The following KANK4 variants were observed in gnomAD, a reference collection of about 807,000 sequenced individuals.
KANK4 encodes KN motif and ankyrin repeat domains 4.
In KANK4, 50 loss-of-function variants were observed where a neutral mutation model predicts 80.8. The ratio of observed to expected loss-of-function variants is 0.62; its 90% CI spans 0.49 to 0.78. The LOEUF is 0.78. Among genes scored for constraint, KANK4 ranks in the 30% least tolerant of loss-of-function variants. KANK4 has a pLI of 0.00. For missense variants in KANK4, 1,196 were observed against 1,240.1 expected (o/e 0.96, Z 0.53); for synonymous variants, 465 against 506.9 (o/e 0.92, Z 1.11).
At chr1:62,283,913 G>T (rs1448140637) in intron 1 of KANK4, among the ~76,000 whole-genome samples, 1 of 152,170 alleles carries the variant, frequency 6.6e-6, no homozygotes. Flanking sequence ...TAGAGACCTC[G>T]AAGATTTCTC....
chr1:62,266,884 T>TC, intron 5 of KANK4, 65 bp from the exon 6 acceptor site: 1 of 1,020,458 alleles, frequency 9.8e-7, no homozygotes, highest in Non-Finnish European at 1.5e-6. Context: ...AACAAGACTT[T>TC]CACTCTCCTC....
intron 1 of KANK4, among the ~76,000 whole-genome samples, chr1:62,304,206 G>GTA (rs1644433804): frequency 6.6e-6 from 1 of 151,958 alleles, no homozygotes; most frequent in African/African-American, 2.4e-5. Flanking sequence ...GCAAGAGCTG[G>GTA]TCCATATACC....
At chr1:62,277,812 T>G (rs2149147394) in intron 2 of KANK4, among the ~76,000 whole-genome samples, 1 of 152,332 alleles carries the variant, frequency 6.6e-6, no homozygotes, top group African/African-American at 2.4e-5. Context: ...TGAGAATCAC[T>G]GAACTGAGCC....
intron 1 of KANK4, among the ~76,000 whole-genome samples, chr1:62,282,845 G>T (rs893296946): frequency 2.0e-5 from 3 of 152,210 alleles, no homozygotes; most frequent in Non-Finnish European, 4.4e-5. Context: ...AGAAGGATTG[G>T]CACACTGAGT....
intron 7 of KANK4, among the ~76,000 whole-genome samples, chr1:62,258,240 A>G (rs927777): frequency 0.3 from 45,527 of 152,092 alleles, 7,993 homozygotes; most frequent in Non-Finnish European, 0.39. Context: ...TATGTATATC[A>G]CACTAAGCCC....
chr1:62,302,621 T>C (rs2149167720), intron 1 of KANK4, among the ~76,000 whole-genome samples: 1 of 151,984 alleles, frequency 6.6e-6, no homozygotes, highest in South Asian at 2.1e-4. Context: ...GTCCCCAGAG[T>C]GCTCCCTGGC....
chr1:62,284,694 G>A (rs939403137), intron 1 of KANK4, among the ~76,000 whole-genome samples: 4 of 152,140 alleles, frequency 2.6e-5, no homozygotes, highest in Admixed American at 6.5e-5. Context: ...GTGTTATTAC[G>A]TTACTTTTCA....
intron 7 of KANK4, among the ~76,000 whole-genome samples, chr1:62,254,880 ATTTTTTTT>A (rs3066333): frequency 4.6e-5 from 3 of 65,722 alleles, no homozygotes; most frequent in South Asian, 6.1e-4. Flanking sequence ...TAAACCTGGT[ATTTTTTTT>A]TTTTTTTTTT....
rs1223119136 is a variant in KANK4, at chr1:62,274,935, T to C, written c.169A>G (p.Ile57Val). ...EKGNTIKRIP[I>V]HRRAKQAKFS... The stretch of plus-strand genomic sequence containing the variant: ...TTGGCCTGCTTGGCCCTTCTGTGGA[T>C]AGGAATTCTTTTGATAGTGTTTCCC... The change falls in exon 3 of 10, where the codon ATC becomes GTC. Residue 57 changes from isoleucine to valine, a missense_variant. Transcript: ENST00000371153. 2.5e-5 allele frequency: 40 copies of C among 1,613,960 alleles called. No homozygotes were observed. Among genetic ancestry groups the C allele is most frequent in the Non-Finnish European group, 3.4e-5 (40 of 1,180,010 alleles).
chr1:62,252,490 TATA>T (rs1174574652), intron 8 of KANK4, among the ~76,000 whole-genome samples: 1 of 152,234 alleles, frequency 6.6e-6, no homozygotes, highest in Non-Finnish European at 1.5e-5. Flanking sequence ...TGCAGAACTC[TATA>T]ATAAGCCTCT....
intron 1 of KANK4, chr1:62,298,073 G>A (rs1289826617): frequency 2.6e-5 from 4 of 152,200 alleles, no homozygotes; most frequent in Admixed American, 2.6e-4. Context: ...GAGCACGATG[G>A]TCCTCCCTGT....
intron 9 of KANK4, among the ~76,000 whole-genome samples, chr1:62,238,712 C>A (rs935873783): frequency 6.6e-6 from 1 of 151,258 alleles, no homozygotes; most frequent in Non-Finnish European, 1.5e-5. Flanking sequence ...TCACTGCAAC[C>A]TCCGTCTCCT....
At chr1:62,314,533 C>G (rs1166623223) in intron 1 of KANK4, among the ~76,000 whole-genome samples, 1 of 152,058 alleles carries the variant, frequency 6.6e-6, no homozygotes, top group Admixed American at 6.5e-5. Context: ...GAATCGGCAC[C>G]GAAGGCTGCT....
chr1:62,313,215 A>G (rs567718576), intron 1 of KANK4, among the ~76,000 whole-genome samples: 4 of 152,340 alleles, frequency 2.6e-5, no homozygotes, highest in African/African-American at 9.6e-5. Flanking sequence ...AAAGCATAGT[A>G]TATATAGAGT....
At chr1:62,270,258 A>C (rs1410606707) in intron 4 of KANK4, among the ~76,000 whole-genome samples, 2 of 152,106 alleles carry the variant, frequency 1.3e-5, no homozygotes, top group Non-Finnish European at 2.9e-5. Flanking sequence ...CTAGGCTTTG[A>C]GATTAGGCTG....
chr1:62,249,695 A>G (rs1254378047), intron 8 of KANK4, among the ~76,000 whole-genome samples: 4 of 151,448 alleles, frequency 2.6e-5, no homozygotes, highest in Non-Finnish European at 4.4e-5. Context: ...GGCGCCCACC[A>G]TTACGCCAGG....
At chr1:62,267,528 A>G (rs11583803) in intron 5 of KANK4, among the ~76,000 whole-genome samples, 60,478 of 152,078 alleles carry the variant, frequency 0.4, 12,217 homozygotes, top group South Asian at 0.53. Context: ...CCAGCCAGGC[A>G]CGGTAGCTCA....
At chr1:62,253,704 G>A (rs185196940) in intron 7 of KANK4, among the ~76,000 whole-genome samples, 351 of 152,222 alleles carry the variant, frequency 2.3e-3, no homozygotes, top group African/African-American at 2.9e-3. Context: ...GAGCCACCGC[G>A]CCCAGCCAGC....
At chr1:62,277,898 C>T (rs564142845) in intron 2 of KANK4, among the ~76,000 whole-genome samples, 1 of 152,098 alleles carries the variant, frequency 6.6e-6, no homozygotes, top group Non-Finnish European at 1.5e-5. Context: ...ATAGCCAAGA[C>T]AGAAAATCTA....
Sources: allele counts gnomAD v4.1 joint callset (sites outside exome capture counted in the v4.1 genomes callset), GRCh38; gene constraint gnomAD v4.1.1; transcripts MANE v1.5; gene names NCBI Gene and HGNC (gene_info 2026-07-23, HGNC 2026-07-21).